Variants in ATM observed in about 807,000 individuals in gnomAD.
ATM encodes the protein ATM serine/threonine kinase.
ATM carries 308 observed loss-of-function variants against 387.0 expected under a neutral mutation model. The ratio of observed to expected loss-of-function variants is 0.80; its 90% CI spans 0.73 to 0.87. The LOEUF is 0.87. Ranked by LOEUF, ATM falls within the 40% of genes least tolerant of loss-of-function variation. The pLI, the probability that ATM is intolerant of heterozygous loss-of-function variation, is 0.00. For missense variants in ATM, 3,312 were observed against 3,560.9 expected, an observed-to-expected ratio of 0.93 and a Z score of 1.78; for synonymous variants, 1,156 against 1,187.3, an observed-to-expected ratio of 0.97 and a Z score of 0.54.
At position 108,301,723 on chromosome 11, in the gene ATM, G is replaced by C. The variant is rs1370155496; in HGVS notation, c.5253G>C (p.Glu1751Asp). The C allele has an allele frequency of 6.2e-7, 1 of 1,613,712 alleles. No individual in the cohort carries two copies. Among genetic ancestry groups the C allele is most frequent in the Non-Finnish European group, 8.5e-7 (1 of 1,179,766 alleles). ...CAAAGACTGGACATAGTTTCTGGGA[G>C]ATTTATAAGATGACAACAGATCCAA... is the stretch of plus-strand genomic sequence containing the variant. ...LATKTGHSFW[E>D]IYKMTTDPML... Residue 1751 changes from glutamate to aspartate, a missense_variant, in exon 35 of 63, where the codon GAG (glutamate) becomes GAC (aspartate). Physicochemically the swap from Glu to Asp is conservative, Grantham distance 45 (BLOSUM62 2). Transcript: ENST00000675843.
intron 4 of ATM, among the ~76,000 whole-genome samples, chr11:108,232,527 C>CTTTT (rs71047685): frequency 3.4e-4 from 20 of 58,212 alleles, no homozygotes; most frequent in East Asian, 1.3e-3. Flanking sequence ...GATTTCTCTC[C>CTTTT]TTTTTTTTTT....
intron 61 of ATM, among the ~76,000 whole-genome samples, chr11:108,356,322 G>C (rs989555266): frequency 6.6e-6 from 1 of 152,130 alleles, no homozygotes; most frequent in Non-Finnish European, 1.5e-5. Context: ...GATCACCTGA[G>C]GTCAGGAGTT....
At chr11:108,238,426 A>G (rs1236447436) in intron 5 of ATM, among the ~76,000 whole-genome samples, 1 of 152,176 alleles carries the variant, frequency 6.6e-6, no homozygotes, top group Non-Finnish European at 1.5e-5. Flanking sequence ...TGTTGGGATT[A>G]TAGGCATGAG....
Position 108,244,116 on chromosome 11 carries a change from G to A in ATM, c.660G>A (p.Ala220=), listed in dbSNP as rs763669136. ...TTTTTTCCAAGGCTATTCAGTGTGC[G>A]AGGTAATCTAATCTCTTTTTCTTTT... ...LDFFSKAIQC[A]RQEKSSSGLN... Residue 220 remains alanine (A), a splice_region_variant and synonymous_variant, in exon 6 of 63, where the codon GCG becomes GCA. Transcript: ENST00000675843. 27 of 1,613,578 alleles carry A rather than the reference G, an allele frequency of 1.7e-5. No individual in the cohort carries two copies. The highest frequency in any genetic ancestry group is 2.2e-5 in the South Asian group (2 of 91,052).
In ATM at chr11:108,258,465, C is replaced by T. The variant is rs561898387; in HGVS notation, c.2377-521C>T. Among the ~76,000 whole-genome samples, 13 of 152,316 alleles carry T rather than the reference C, an allele frequency of 8.5e-5. No homozygotes were observed. The East Asian group carries it at 1.9e-3, about 23-fold the overall frequency. On this transcript the variant is annotated intron_variant, in intron 15 of 62. Coordinates refer to ENST00000675843, the MANE Select transcript of ATM (RefSeq NM_000051.4). ...CTAGTGAGCAACACAACAATAACTC[C>T]AGCACATAGTTTACTTTCTTTTGCT...
chr11:108,266,857 A>G (rs1320628587), intron 16 of ATM, among the ~76,000 whole-genome samples: 1 of 145,698 alleles, frequency 6.9e-6, no homozygotes, highest in Non-Finnish European at 1.5e-5. Context: ...GTGCAGTGGC[A>G]TGATCTCAGC....
intron 22 of ATM, among the ~76,000 whole-genome samples, 178 bp downstream of exon 22, chr11:108,273,030 TA>T (rs1355081992): frequency 6.6e-6 from 1 of 152,214 alleles, no homozygotes; most frequent in African/African-American, 2.4e-5. Context: ...TAGATTCTAT[TA>T]TTTCCTTCAA....
intron 56 of ATM, among the ~76,000 whole-genome samples, chr11:108,338,514 G>A (rs1436671852): frequency 1.3e-5 from 2 of 152,078 alleles, no homozygotes; most frequent in Non-Finnish European, 2.9e-5. Context: ...ATTTAGCCAG[G>A]CATGATGGCA....
At chr11:108,335,616 C>T (rs1473248431) in intron 55 of ATM, among the ~76,000 whole-genome samples, 1 of 152,094 alleles carries the variant, frequency 6.6e-6, no homozygotes, top group Non-Finnish European at 1.5e-5. Context: ...GGGGGACTTC[C>T]AGTTAATCTA....
intron 16 of ATM, among the ~76,000 whole-genome samples, chr11:108,260,269 A>C (rs2080784678): frequency 6.6e-6 from 1 of 152,122 alleles, no homozygotes; most frequent in Non-Finnish European, 1.5e-5. Flanking sequence ...TCCTGACCTC[A>C]AATGATCTGT....
At position 108,227,777 on chromosome 11, in the gene ATM, A is replaced by G. The variant is rs751310537; in HGVS notation, c.74A>G (p.Lys25Arg). 2 of 1,613,592 alleles carry G rather than the reference A, an allele frequency of 1.2e-6. No individual in the cohort carries two copies. The highest frequency in any genetic ancestry group is 2.2e-5 in the East Asian group (1 of 44,788). ...LEHDRATERK[K>R]EVEKFKRLIR... The stretch of plus-strand genomic sequence containing the variant: ...TTATTATTTCCTTTTTATTTTCAGA[A>G]AGAAGTTGAGAAATTTAAGCGCCTG... The change falls in exon 3 of 63, where the codon AAA (lysine) becomes AGA (arginine). Residue 25 changes from lysine (K) to arginine (R), a missense_variant and splice_region_variant. By Grantham distance (26) the Lys-to-Arg change is conservative (BLOSUM62 2). Transcript: ENST00000675843.
At chr11:108,334,187 C>G (rs2086584769) in intron 54 of ATM, among the ~76,000 whole-genome samples, 1 of 149,242 alleles carries the variant, frequency 6.7e-6, no homozygotes, top group Non-Finnish European at 1.5e-5. Context: ...TGTTCTACAC[C>G]TCCCATCTTT....
intron 42 of ATM, among the ~76,000 whole-genome samples, chr11:108,316,724 A>G (rs898172911): frequency 3.2e-4 from 46 of 144,964 alleles, no homozygotes; most frequent in African/African-American, 1.2e-3. Context: ...CCTGGCTAAC[A>G]CGGTGAAACC....
chr11:108,290,888 T>A (rs1286468493), intron 29 of ATM, among the ~76,000 whole-genome samples: 1 of 151,728 alleles, frequency 6.6e-6, no homozygotes, highest in Non-Finnish European at 1.5e-5. Flanking sequence ...ATCTTCAACA[T>A]TTTAATACTA....
chr11:108,364,076 G>A (rs1591379170), intron 61 of ATM, among the ~76,000 whole-genome samples: 2 of 152,194 alleles, frequency 1.3e-5, no homozygotes, highest in Middle Eastern at 6.8e-3. Context: ...TAATGGTCCT[G>A]GAGGACACTC....
intron 3 of ATM, among the ~76,000 whole-genome samples, chr11:108,228,847 T>G (rs1417525427): frequency 6.6e-6 from 1 of 152,188 alleles, no homozygotes; most frequent in Non-Finnish European, 1.5e-5. Context: ...AACAGGTAGA[T>G]CCTGTACAGA....
chr11:108,247,215 C>G, intron 8 of ATM, 88 bp downstream of exon 8: 2 of 1,328,434 alleles, frequency 1.5e-6, no homozygotes, highest in Non-Finnish European at 2.1e-6. Flanking sequence ...AACCTGTGTT[C>G]TCACAAAAAG....
At chr11:108,248,797 A>C (rs2079977168) in intron 8 of ATM, 136 bp from the exon 9 acceptor site, 1 of 696,174 alleles carries the variant, frequency 1.4e-6, no homozygotes, top group African/African-American at 1.8e-5. Context: ...CTGAGGCAGG[A>C]GAATCACTTG....
intron 59 of ATM, among the ~76,000 whole-genome samples, chr11:108,349,148 A>G (rs1383606113): frequency 6.6e-6 from 1 of 152,234 alleles, no homozygotes; most frequent in African/African-American, 2.4e-5. Flanking sequence ...ACTCAAAGGA[A>G]GTCAGGATCT....
Sources: allele counts gnomAD v4.1 joint callset (sites outside exome capture counted in the v4.1 genomes callset), GRCh38; gene constraint gnomAD v4.1.1; transcripts MANE v1.5; gene names NCBI Gene and HGNC (gene_info 2026-07-23, HGNC 2026-07-21).